Variants in RUFY3 observed in about 807,000 individuals in gnomAD.
RUFY3 encodes RUN and FYVE domain containing 3.
RUFY3 carries 34 observed loss-of-function variants against 84.0 expected under a neutral mutation model. The ratio of observed to expected loss-of-function variants is 0.40; its 90% CI spans 0.31 to 0.54. The LOEUF is 0.54. Among genes scored for constraint, RUFY3 ranks in the 20% least tolerant of loss-of-function variants. The pLI is 0.39. For missense variants in RUFY3, 507 were observed against 736.8 expected (o/e 0.69, Z 3.61); for synonymous variants, 242 against 252.9 (o/e 0.96, Z 0.41).
chr4:70,724,029 TG>T lies in RUFY3; in HGVS notation c.178+1280del, dbSNP rs577510608. 3.4e-3 allele frequency among the ~76,000 whole-genome samples: 522 copies of T among 152,334 alleles called. 4 individuals carry two copies. Among genetic ancestry groups the T allele is most frequent in the African/African-American group, 0.012 (490 of 41,572 alleles). On this transcript the variant is annotated intron_variant, in intron 1 of 17. Coordinates refer to ENST00000381006, the MANE Select transcript of RUFY3 (RefSeq NM_001037442.4). Reference sequence around the variant, plus strand: ...AAGACCCTTTGCATCTTTTAACAATTGGTTTGTTAATTAGACAGCTTTCTTT... The same window carrying T: ...AAGACCCTTTGCATCTTTTAACAATTGTTTGTTAATTAGACAGCTTTCTTT...
chr4:70,802,898 T>C, intron 15 of RUFY3, 58 bp from the exon 16 acceptor site: 2 of 1,260,166 alleles, frequency 1.6e-6, no homozygotes, highest in Non-Finnish European at 1.1e-6. Context: ...ATTGAAATGA[T>C]ATAAATGAAA....
At chr4:70,720,873 T>G (rs1742190121), upstream of RUFY3, among the ~76,000 whole-genome samples, 1 of 150,442 alleles carries the variant, frequency 6.6e-6, no homozygotes, top group Non-Finnish European at 1.5e-5. Flanking sequence ...AATGCCTCAT[T>G]GGATAATATA....
intron 1 of RUFY3, among the ~76,000 whole-genome samples, chr4:70,757,294 A>G (rs1002582135): frequency 2.0e-5 from 3 of 152,054 alleles, no homozygotes; most frequent in African/African-American, 7.2e-5. Flanking sequence ...AAAACAAAAC[A>G]AATGGAACAT....
intron 1 of RUFY3, among the ~76,000 whole-genome samples, chr4:70,725,436 T>C (rs1718076136): frequency 6.6e-6 from 1 of 152,046 alleles, no homozygotes; most frequent in Non-Finnish European, 1.5e-5. Flanking sequence ...GTTCAAGCGA[T>C]TCTCCTGCCT....
chr4:70,712,264 G>T (rs1321456630), intron 1 of RUFY3, among the ~76,000 whole-genome samples: 3 of 152,146 alleles, frequency 2.0e-5, no homozygotes, highest in Non-Finnish European at 4.4e-5. Context: ...TGTGTGCCGT[G>T]CAGAGAGCTA....
rs181872456 is a variant in RUFY3 at position 70,761,519 on chromosome 4, G to A, written c.179-1000G>A. ...GAGCAGCTGAAGCTTTACTCTCTAAGTCTCATTTTCCTTCCCTGTAAAATT... is the reference window on the plus strand; with the variant it reads ...GAGCAGCTGAAGCTTTACTCTCTAAATCTCATTTTCCTTCCCTGTAAAATT... On this transcript the variant is annotated intron_variant, in intron 1 of 17. Transcript: ENST00000381006. 1.6e-3 allele frequency among the ~76,000 whole-genome samples: 241 copies of A among 152,234 alleles called. 1 individual carries two copies. The highest frequency in any genetic ancestry group is 5.6e-3 in the African/African-American group (231 of 41,548).
At chr4:70,739,990 CAA>C (rs551882326) in intron 1 of RUFY3, among the ~76,000 whole-genome samples, 12 of 47,692 alleles carry the variant, frequency 2.5e-4, no homozygotes, top group Non-Finnish European at 2.3e-4. Flanking sequence ...AACTCCGTCT[CAA>C]AAAAAAAAAA....
chr4:70,725,273 C>T (rs766284466), intron 1 of RUFY3, among the ~76,000 whole-genome samples: 10 of 152,026 alleles, frequency 6.6e-5, no homozygotes, highest in Non-Finnish European at 1.3e-4. Context: ...GCATTCACTT[C>T]ATTATCTCAA....
chr4:70,752,659 A>G (rs1723319600), intron 1 of RUFY3, among the ~76,000 whole-genome samples: 1 of 152,214 alleles, frequency 6.6e-6, no homozygotes, highest in Admixed American at 6.5e-5. Context: ...GTCTGCTTCT[A>G]ATGAAATGAC....
At chr4:70,773,892 C>T (rs939247881) in intron 6 of RUFY3, among the ~76,000 whole-genome samples, 2 of 152,066 alleles carry the variant, frequency 1.3e-5, no homozygotes, top group African/African-American at 2.4e-5. Context: ...CCAGAGGAGT[C>T]GCATTCTCAG....
chr4:70,789,076 G>T, intron 11 of RUFY3, 103 bp downstream of exon 11: 2 of 1,473,294 alleles, frequency 1.4e-6, no homozygotes, highest in Non-Finnish European at 9.0e-7. Context: ...CAAGAGGAAA[G>T]AATCACATCT....
intron 1 of RUFY3, among the ~76,000 whole-genome samples, chr4:70,732,483 A>G (rs1488596947): frequency 1.3e-5 from 2 of 152,192 alleles, no homozygotes; most frequent in Non-Finnish European, 2.9e-5. Flanking sequence ...CACTATTCAT[A>G]GTAGCAAAGA....
At chr4:70,783,733 A>G (rs1235928942) in intron 9 of RUFY3, among the ~76,000 whole-genome samples, 1 of 152,212 alleles carries the variant, frequency 6.6e-6, no homozygotes, top group East Asian at 1.9e-4. Flanking sequence ...TTAATTACCA[A>G]CATTGACAAT....
Position 70,806,897 on chromosome 4 carries a change from C to A in RUFY3, c.*238C>A. 2.5e-6 allele frequency: 1 copy of A among 401,878 alleles called. No individual in the cohort carries two copies. The highest frequency in any genetic ancestry group is 5.7e-5 in the South Asian group (1 of 17,406). 24.9% of individuals were successfully genotyped at this position (401,878 alleles called of 1,614,324 possible). On this transcript the variant is annotated 3_prime_UTR_variant, in exon 18 of 18. Transcript: ENST00000381006. ...GCCTTTCTCTTCTAAATCTAAACAACCTGATATTGAAGGTTTGCTTTATAG... is the reference window on the plus strand; with the variant it reads ...GCCTTTCTCTTCTAAATCTAAACAAACTGATATTGAAGGTTTGCTTTATAG...
chr4:70,756,992 TG>T (rs1724134389), intron 1 of RUFY3, among the ~76,000 whole-genome samples: 1 of 152,128 alleles, frequency 6.6e-6, no homozygotes, highest in Admixed American at 6.6e-5. Flanking sequence ...TTTAATTAGC[TG>T]GGCATGGCGA....
intron 4 of RUFY3, among the ~76,000 whole-genome samples, chr4:70,765,758 C>T (rs985471654): frequency 7.1e-6 from 1 of 139,886 alleles, no homozygotes; most frequent in Non-Finnish European, 1.6e-5. Context: ...TTGTTAATAT[C>T]TTTTTTTTTT....
intron 1 of RUFY3, among the ~76,000 whole-genome samples, chr4:70,736,962 T>C (rs1720417779): frequency 6.6e-6 from 1 of 152,278 alleles, no homozygotes; most frequent in African/African-American, 2.4e-5. Flanking sequence ...TTAGAAAAAT[T>C]GTTATGTGTA....
At chr4:70,783,066 A>T (rs1193717577) in intron 8 of RUFY3, 25 bp from the exon 9 acceptor site, 3 of 1,380,046 alleles carry the variant, frequency 2.2e-6, no homozygotes, top group Non-Finnish European at 1.0e-6. Context: ...AAGATAAAAG[A>T]TTATTTTTAA....
intron 7 of RUFY3, among the ~76,000 whole-genome samples, chr4:70,776,589 A>G (rs1728008039): frequency 6.6e-6 from 1 of 152,190 alleles, no homozygotes; most frequent in East Asian, 1.9e-4. Context: ...CCTGGCTAAC[A>G]CGGTGAAACC....
Sources: gnomAD v4.1 joint callset for allele counts (sites outside exome capture counted in the v4.1 genomes callset) on GRCh38, gnomAD v4.1.1 for gene constraint, MANE v1.5 for transcripts, NCBI Gene and HGNC (gene_info 2026-07-23, HGNC 2026-07-21) for gene names.